The following SEPTIN9 variants were observed in gnomAD, a reference collection of about 807,000 sequenced individuals.
The protein encoded by SEPTIN9 is septin 9, also known as septin-9.
Under a neutral mutation model 56.6 loss-of-function variants are expected in SEPTIN9, and 13 were observed. The observed-to-expected ratio is 0.23, with a 90% CI of 0.15 to 0.37. The LOEUF is 0.37. Among genes scored for constraint, SEPTIN9 ranks in the 10% least tolerant of loss-of-function variants. The pLI is 1.00. For missense variants in SEPTIN9, 650 were observed against 823.1 expected (o/e 0.79, Z 2.57); for synonymous variants, 332 against 334.1 (o/e 0.99, Z 0.07).
intron 3 of SEPTIN9, among the ~76,000 whole-genome samples, chr17:77,432,207 T>A (rs2037170715): frequency 6.6e-6 from 1 of 152,142 alleles, no homozygotes; most frequent in South Asian, 2.1e-4. Flanking sequence ...TATGTTCCCC[T>A]CTGTAAAATG....
At chr17:77,309,905 G>C (rs957284550) in intron 2 of SEPTIN9, among the ~76,000 whole-genome samples, 30 of 151,916 alleles carry the variant, frequency 2.0e-4, no homozygotes, top group Admixed American at 3.3e-4. Context: ...TGCGGTGCCC[G>C]CCCCTCTGGA....
rs1371561920 is a variant in SEPTIN9 at position 77,318,758 on chromosome 17, GC to G, written c.76+11563del. Among the ~76,000 whole-genome samples, 3 of 152,160 alleles carry G rather than the reference GC, an allele frequency of 2.0e-5. No individual in the cohort carries two copies. Among genetic ancestry groups the G allele is most frequent in the Non-Finnish European group, 4.4e-5 (3 of 68,038 alleles). The stretch of plus-strand genomic sequence containing the variant: ...CAGGCAGAGAGCGGACGGGACTGTG[GC>G]CTGAAGTGGCACTTCAGGGCCTTTG... On this transcript the variant is annotated intron_variant, in intron 2 of 11. Coordinates refer to ENST00000427177, the MANE Select transcript of SEPTIN9 (RefSeq NM_001113491.2). This position sits in a 1 kb window ranked among gnomAD's most constrained non-coding sequence, Gnocchi z 4.9.
At chr17:77,311,508 G>A (rs2032492303) in intron 2 of SEPTIN9, among the ~76,000 whole-genome samples, 1 of 152,178 alleles carries the variant, frequency 6.6e-6, no homozygotes, top group Non-Finnish European at 1.5e-5. Flanking sequence ...TGGGGGCAAG[G>A]CCTGGGCTGG....
rs188602182 is a variant in SEPTIN9 at position 77,360,460 on chromosome 17, A to G, written c.77-41599A>G. On this transcript the variant is annotated intron_variant, in intron 2 of 11. Transcript: ENST00000427177. ...TCCTGTTTGTAGCTTGAAATTTGCCACAGTGGGTGTGTTTACACCACAGGA... is the reference window on the plus strand; with the variant it reads ...TCCTGTTTGTAGCTTGAAATTTGCCGCAGTGGGTGTGTTTACACCACAGGA... Among the ~76,000 whole-genome samples the G allele has an allele frequency of 1.4e-3, 206 of 151,758 alleles. 1 individual carries two copies. The highest frequency in any genetic ancestry group is 4.6e-3 in the African/African-American group (190 of 41,386).
chr17:77,495,075 C>T (rs1448855718), intron 10 of SEPTIN9, among the ~76,000 whole-genome samples: 3 of 152,332 alleles, frequency 2.0e-5, no homozygotes, highest in South Asian at 4.1e-4. Context: ...ATGGATGGGC[C>T]TGGGACGGGC....
rs2036714949 is a variant in SEPTIN9 at position 77,421,809 on chromosome 17, C to G, written c.721+19106C>G. 1.3e-5 allele frequency among the ~76,000 whole-genome samples: 2 copies of G among 152,144 alleles called. No homozygotes were observed. Among genetic ancestry groups the G allele is most frequent in the South Asian group, 4.2e-4 (2 of 4,818 alleles). ...ATTGGCAGCTGCCACGCTCATTTCACAGTCGAGACACCCTGGCCGAAGGTT... is the reference window on the plus strand; with the variant it reads ...ATTGGCAGCTGCCACGCTCATTTCAGAGTCGAGACACCCTGGCCGAAGGTT... On this transcript the variant is annotated intron_variant, in intron 3 of 11. Coordinates refer to ENST00000427177, the MANE Select transcript of SEPTIN9 (RefSeq NM_001113491.2). The surrounding 1 kb of genome is among the most constrained non-coding windows in gnomAD (Gnocchi z 4.6).
intron 2 of SEPTIN9, among the ~76,000 whole-genome samples, chr17:77,395,863 C>T (rs774237911): frequency 5.3e-5 from 8 of 152,172 alleles, no homozygotes; most frequent in Non-Finnish European, 1.0e-4. Flanking sequence ...TGCGGAAACC[C>T]GGACTGTTTC....
intron 2 of SEPTIN9, among the ~76,000 whole-genome samples, chr17:77,336,751 C>T (rs1045657353): frequency 3.3e-5 from 5 of 151,876 alleles, no homozygotes; most frequent in Non-Finnish European, 7.4e-5. Flanking sequence ...GCTGCCAGTT[C>T]AGTATTGAAT....
chr17:77,357,808 C>A (rs555999151), intron 2 of SEPTIN9, among the ~76,000 whole-genome samples: 13 of 152,268 alleles, frequency 8.5e-5, no homozygotes, highest in Admixed American at 2.6e-4. Context: ...ACCAACTCCT[C>A]ACTCCTTGTA....
intron 3 of SEPTIN9, among the ~76,000 whole-genome samples, chr17:77,409,996 T>C (rs1178976868): frequency 6.6e-6 from 1 of 152,162 alleles, no homozygotes; most frequent in African/African-American, 2.4e-5. Flanking sequence ...GGGAGGCGCT[T>C]CCTCAGTTGG....
chr17:77,441,112 G>A (rs1353509362), intron 3 of SEPTIN9, among the ~76,000 whole-genome samples: 1 of 152,200 alleles, frequency 6.6e-6, no homozygotes, highest in Admixed American at 6.5e-5. Flanking sequence ...TGGGAGGAGA[G>A]AATGGAGCTG....
Position 77,281,566 on chromosome 17 carries a change from G to C in SEPTIN9, c.19+12G>C. 1 of 1,538,926 alleles carries C rather than the reference G, an allele frequency of 6.5e-7. No individual in the cohort carries two copies. The highest frequency in any genetic ancestry group is 8.8e-7 in the Non-Finnish European group (1 of 1,142,176). ...GAAGTCTTACTCAGGTGGGCTTCGCGCCCGGGGTGGGGAGGGGTCGGTGTC... is the reference window on the plus strand; with the variant it reads ...GAAGTCTTACTCAGGTGGGCTTCGCCCCCGGGGTGGGGAGGGGTCGGTGTC... On this transcript the variant is annotated intron_variant, in intron 1 of 11. Transcript: ENST00000427177.
At chr17:77,385,562 T>C (rs1368103998) in intron 2 of SEPTIN9, among the ~76,000 whole-genome samples, 1 of 152,024 alleles carries the variant, frequency 6.6e-6, no homozygotes, top group Non-Finnish European at 1.5e-5. Context: ...TAAAAATAAA[T>C]AAAAGTTTAC....
intron 2 of SEPTIN9, among the ~76,000 whole-genome samples, chr17:77,348,844 T>G (rs1275834506): frequency 6.6e-6 from 1 of 152,184 alleles, no homozygotes; most frequent in Non-Finnish European, 1.5e-5. Flanking sequence ...ATAAGGAAAT[T>G]TTTGCTTTAA....
Position 77,358,106 on chromosome 17 carries a change from C to G in SEPTIN9, c.77-43953C>G, listed in dbSNP as rs534956340. On this transcript the variant is annotated intron_variant, in intron 2 of 11. Coordinates refer to ENST00000427177, the MANE Select transcript of SEPTIN9 (RefSeq NM_001113491.2). ...ATGGACAGCTTAGTCAACGGAAGCT[C>G]AGAGAGGTGGTGTAACTTGCCAAAA... Among the ~76,000 whole-genome samples the G allele has an allele frequency of 1.2e-3, 178 of 152,298 alleles. 2 individuals carry two copies. The South Asian group carries it at 0.036, about 31-fold the overall frequency.
intron 2 of SEPTIN9, among the ~76,000 whole-genome samples, chr17:77,324,046 C>G (rs1278652234): frequency 6.6e-6 from 1 of 152,234 alleles, no homozygotes; most frequent in African/African-American, 2.4e-5. Flanking sequence ...TCGCCTCTGG[C>G]AGCTTCTGGC....
intron 2 of SEPTIN9, among the ~76,000 whole-genome samples, chr17:77,341,860 A>G (rs1331734345): frequency 6.6e-6 from 1 of 151,604 alleles, no homozygotes; most frequent in Admixed American, 6.6e-5. Context: ...AGGCGGGCAG[A>G]TCATGAGGTC....
At position 77,357,404 on chromosome 17, in the gene SEPTIN9, A is replaced by G. The variant is rs77960093; in HGVS notation, c.77-44655A>G. Among the ~76,000 whole-genome samples the G allele has an allele frequency of 0.026, 3,964 of 152,116 alleles. 422 individuals carry two copies. In the East Asian group the frequency reaches 0.35, roughly 13 times the overall value. On this transcript the variant is annotated intron_variant, in intron 2 of 11. Coordinates refer to ENST00000427177, the MANE Select transcript of SEPTIN9 (RefSeq NM_001113491.2). ...CAAAACACATGGTCAAGTTGAAAGC[A>G]TTTTACAGGGAACACATTCAGCCAT... is the stretch of plus-strand genomic sequence containing the variant.
At position 77,405,389 on chromosome 17, in the gene SEPTIN9, G is replaced by A. The variant is rs916320570; in HGVS notation, c.721+2686G>A. On this transcript the variant is annotated intron_variant, in intron 3 of 11. Coordinates refer to ENST00000427177, the MANE Select transcript of SEPTIN9 (RefSeq NM_001113491.2). The surrounding 1 kb of genome is among the most constrained non-coding windows in gnomAD (Gnocchi z 5.8). ...AGGGGAGAGAAAGGCAGGCCACGTG[G>A]AGGCAGCAGCGTTCAGAGCTGCCAG... Among the ~76,000 whole-genome samples, 2 of 152,184 alleles carry A rather than the reference G, an allele frequency of 1.3e-5. No individual in the cohort carries two copies. The highest frequency in any genetic ancestry group is 2.4e-5 in the African/African-American group (1 of 41,446).
Sources: gnomAD v4.1 joint callset for allele counts (sites outside exome capture counted in the v4.1 genomes callset) on GRCh38, gnomAD v4.1.1 for gene constraint, Gnocchi (gnomAD v3.1) non-coding constraint, MANE v1.5 for transcripts, NCBI Gene and HGNC (gene_info 2026-07-23, HGNC 2026-07-21) for gene names.